Variants in MADD observed in about 807,000 individuals in gnomAD.
MADD encodes the protein MAP kinase activating death domain.
Under a neutral mutation model 176.7 loss-of-function variants are expected in MADD, and 109 were observed. That is an observed-to-expected ratio of 0.62 (90% CI 0.53 to 0.72). The LOEUF is 0.72. MADD is among the 30% of genes least tolerant of loss of function. The pLI is 0.00. For synonymous variants in MADD, 771 were observed against 771.3 expected (o/e 1.00, Z 0.01); for missense variants, 1,914 against 2,045.5 (o/e 0.94, Z 1.24).
Position 47,290,602 on chromosome 11 carries a change from TC to T in MADD, c.3095-5del. The T allele has an allele frequency of 6.2e-7, 1 of 1,610,512 alleles. No individual in the cohort carries two copies. The highest frequency in any genetic ancestry group is 8.5e-7 in the Non-Finnish European group (1 of 1,177,736). ...ACTTCTCTTGACCTCTTGATATTTT[TC>T]CCTCAGAACCAGACAAGCGGAAGAG... On this transcript the variant is annotated splice_region_variant and splice_polypyrimidine_tract_variant and intron_variant, in intron 18 of 32. Coordinates refer to ENST00000402192, the Ensembl canonical transcript of MADD.
At chr11:47,305,900 A>C (rs1210058476) in intron 22 of MADD, among the ~76,000 whole-genome samples, 1 of 152,292 alleles carries the variant, frequency 6.6e-6, no homozygotes, top group Non-Finnish European at 1.5e-5. Flanking sequence ...GTAGCTGCTC[A>C]GCTTGGCCAG....
At chr11:47,285,366 A>G (rs373937204) in intron 13 of MADD, 85 bp from the exon 14 acceptor site, 2 of 1,579,600 alleles carry the variant, frequency 1.3e-6, no homozygotes, top group Non-Finnish European at 1.7e-6. Context: ...AGGGAGTGGC[A>G]ACTGTAGTAT....
intron 1 of MADD, among the ~76,000 whole-genome samples, 172 bp from the exon 2 acceptor site, chr11:47,273,655 G>A (rs1028139323): frequency 2.0e-5 from 3 of 152,018 alleles, no homozygotes; most frequent in Admixed American, 6.6e-5. Flanking sequence ...TTTAACATTC[G>A]ATTCTGTGAG....
exon 9 of MADD, chr11:47,282,452 GCCT>G: frequency 6.2e-7 from 1 of 1,614,144 alleles, no homozygotes. Flanking sequence ...CGTACCCTGC[GCCT>G]CTTTCCTCGG....
intron 22 of MADD, among the ~76,000 whole-genome samples, chr11:47,303,442 GT>G (rs2079688668): frequency 6.6e-6 from 1 of 151,996 alleles, no homozygotes; most frequent in South Asian, 2.1e-4. Flanking sequence ...GTTTCACCAT[GT>G]TAGCCAGGAT....
At position 47,274,981 on chromosome 11, in the gene MADD, C is replaced by T. The variant is rs372216528; in HGVS notation, c.481C>T (p.Arg161Cys). Residue 161 changes from arginine to cysteine, a missense_variant, in exon 3 of 33, where the codon CGC becomes TGC. Around this residue, in one of 2 missense-constraint regions of MADD, gnomAD observed 1,767 missense variants for 1,836.0 expected, o/e 0.96. Transcript: ENST00000402192. ...TGTGAACCAGTCTCCTCGGGGCAAA[C>T]GCCGGGCCAAGGCGGGGAGCCGCTC... 1.5e-5 allele frequency: 25 copies of T among 1,614,062 alleles called. 1 individual carries two copies. The highest frequency in any genetic ancestry group is 6.7e-5 in the Admixed American group (4 of 60,008).
intron 22 of MADD, among the ~76,000 whole-genome samples, chr11:47,304,606 C>A (rs917438127): frequency 1.3e-5 from 2 of 152,056 alleles, no homozygotes; most frequent in African/African-American, 4.8e-5. Context: ...TGATTTTTAT[C>A]TCTTTGTTGA....
At chr11:47,284,717 C>A (rs1443148208) in intron 12 of MADD, 152 bp downstream of exon 12, 14 of 1,242,432 alleles carry the variant, frequency 1.1e-5, no homozygotes, top group Non-Finnish European at 1.5e-5. Context: ...GCCTAAGAGA[C>A]CTACTTTTGA....
chr11:47,296,345 C>T (rs1304842501), intron 22 of MADD, among the ~76,000 whole-genome samples: 2 of 152,184 alleles, frequency 1.3e-5, no homozygotes, highest in Non-Finnish European at 2.9e-5. Flanking sequence ...AGGTTTAACA[C>T]AGGCAAAGTA....
chr11:47,311,113 T>C (rs1364036849), intron 25 of MADD, among the ~76,000 whole-genome samples: 2 of 152,154 alleles, frequency 1.3e-5, no homozygotes, highest in Admixed American at 6.6e-5. Flanking sequence ...GAAACATAAA[T>C]CTGGAGTTGA....
exon 2 of MADD, chr11:47,273,954 T>C (rs1432054349): frequency 3.7e-6 from 6 of 1,614,026 alleles, no homozygotes; most frequent in Non-Finnish European, 4.2e-6. Flanking sequence ...GTTACTTGAC[T>C]ATCTAGTGAT....
At position 47,312,615 on chromosome 11, in the gene MADD, C is replaced by G. The variant is rs2090374162; in HGVS notation, c.4089+773C>G. Reference sequence around the variant, plus strand: ...CACGCCCAGCTAATTTTTGTATTTTCAGTAGAGATGGGCATTCCCCATGTT... The same window carrying G: ...CACGCCCAGCTAATTTTTGTATTTTGAGTAGAGATGGGCATTCCCCATGTT... On this transcript the variant is annotated intron_variant, in intron 26 of 32. Transcript: ENST00000402192. 2.6e-5 allele frequency among the ~76,000 whole-genome samples: 4 copies of G among 152,218 alleles called. No homozygotes were observed. The South Asian group carries it at 8.3e-4, about 32-fold the overall frequency.
At chr11:47,275,868 A>G (rs376628306) in intron 3 of MADD, 31 bp from the exon 4 acceptor site, 234 of 1,577,196 alleles carry the variant, frequency 1.5e-4, no homozygotes, top group Admixed American at 5.1e-5. Context: ...TCTGATGCTA[A>G]TGTGTCTGAT....
chr11:47,270,031 C>T (rs1009226593), upstream of MADD: 1 of 152,202 alleles, frequency 6.6e-6, no homozygotes, highest in East Asian at 2.0e-4. Context: ...GGCCCCGCCC[C>T]GCGGCGCTCG....
chr11:47,281,804 C>T, intron 8 of MADD, 51 bp downstream of exon 8: 6 of 1,437,420 alleles, frequency 4.2e-6, no homozygotes, highest in Admixed American at 2.1e-5. Flanking sequence ...AATTTCTTTG[C>T]TCTCTAAGGG....
At chr11:47,282,396 G>T in exon 9 of MADD, 4 of 1,614,118 alleles carry the variant, frequency 2.5e-6, no homozygotes, top group Non-Finnish European at 3.4e-6. Flanking sequence ...CCATGGTACG[G>T]TTCTTCAATT....
At chr11:47,272,645 C>T (rs2045759904) in intron 1 of MADD, among the ~76,000 whole-genome samples, 1 of 152,126 alleles carries the variant, frequency 6.6e-6, no homozygotes, top group African/African-American at 2.4e-5. Context: ...CGGGGTGAAA[C>T]GTTTTATTTA....
chr11:47,300,300 G>A (rs1190484705), intron 22 of MADD, among the ~76,000 whole-genome samples: 4 of 148,044 alleles, frequency 2.7e-5, no homozygotes, highest in Admixed American at 6.8e-5. Context: ...CCCGCCTCCC[G>A]GGTTCAAGCA....
chr11:47,296,764 G>GTTTTTTTTT (rs753454831), intron 22 of MADD, among the ~76,000 whole-genome samples: 3 of 116,916 alleles, frequency 2.6e-5, no homozygotes, highest in Non-Finnish European at 5.3e-5. Flanking sequence ...GTTTTTTGTT[G>GTTTTTTTTT]TTTTTTTTTT....
Sources: gnomAD v4.1 joint callset for allele counts (sites outside exome capture counted in the v4.1 genomes callset) on GRCh38, gnomAD v4.1.1 for gene constraint, gnomAD v4.1.1 regional missense constraint, MANE v1.5 for transcripts, NCBI Gene and HGNC (gene_info 2026-07-23, HGNC 2026-07-21) for gene names.